PAFAH1B1: variants seen among roughly 807,000 people sequenced by gnomAD.
PAFAH1B1 encodes the protein platelet activating factor acetylhydrolase 1b regulatory subunit 1.
In PAFAH1B1, 2 loss-of-function variants were observed where a neutral mutation model predicts 57.5. That is an observed-to-expected ratio of 0.03 (90% CI 0.01 to 0.11). The LOEUF (loss-of-function observed/expected upper bound fraction) is 0.11, where lower values mean the gene tolerates loss of function less well. Among genes scored for constraint, PAFAH1B1 ranks in the 10% least tolerant of loss-of-function variants. The pLI is 1.00. For missense variants in PAFAH1B1, 257 were observed against 512.0 expected, an observed-to-expected ratio of 0.50 and a Z score of 4.81; for synonymous variants, 152 against 169.6, an observed-to-expected ratio of 0.90 and a Z score of 0.81.
At chr17:2,670,401 A>C in intron 6 of PAFAH1B1, 70 bp downstream of exon 6, 2 of 1,318,488 alleles carry the variant, frequency 1.5e-6, no homozygotes, top group Non-Finnish European at 2.2e-6. Context: ...ATTGTTTCTA[A>C]CAGTGTACAG....
intron 2 of PAFAH1B1, among the ~76,000 whole-genome samples, chr17:2,655,626 T>C (rs894890920): frequency 1.3e-5 from 2 of 151,978 alleles, no homozygotes; most frequent in Admixed American, 1.3e-4. Context: ...CTAGGTGACA[T>C]GGCAAGACCC....
chr17:2,655,183 ATGTGTGTGTGTGTGTGTGTG>A (rs34493806), intron 2 of PAFAH1B1, among the ~76,000 whole-genome samples: 1 of 143,826 alleles, frequency 7.0e-6, no homozygotes, highest in Non-Finnish European at 1.5e-5. Flanking sequence ...ATATACATAT[ATGTGTGTGTGTGTGTGTGTG>A]TGTGTGTGTG....
intron 1 of PAFAH1B1, among the ~76,000 whole-genome samples, chr17:2,615,523 C>T (rs1169804640): frequency 1.3e-5 from 2 of 151,918 alleles, no homozygotes; most frequent in African/African-American, 2.4e-5. Flanking sequence ...TCACTGCAAC[C>T]TCTGCCGCCC....
intron 2 of PAFAH1B1, among the ~76,000 whole-genome samples, chr17:2,655,992 C>T (rs925974190): frequency 6.6e-6 from 1 of 151,972 alleles, no homozygotes; most frequent in Admixed American, 6.6e-5. Flanking sequence ...GGCACGATCT[C>T]GGCTCACTGC....
At chr17:2,644,477 A>G (rs1753562631) in intron 2 of PAFAH1B1, among the ~76,000 whole-genome samples, 1 of 151,866 alleles carries the variant, frequency 6.6e-6, no homozygotes, top group Non-Finnish European at 1.5e-5. Flanking sequence ...TGGGAGGCGG[A>G]GGTTGCGGTG....
chr17:2,634,485 T>A (rs1300547439), intron 1 of PAFAH1B1, among the ~76,000 whole-genome samples: 1 of 152,156 alleles, frequency 6.6e-6, no homozygotes, highest in Non-Finnish European at 1.5e-5. Flanking sequence ...ACTGACTTTC[T>A]CCCTTTCTGG....
At chr17:2,637,594 C>G (rs957005345) in intron 1 of PAFAH1B1, among the ~76,000 whole-genome samples, 2 of 151,998 alleles carry the variant, frequency 1.3e-5, no homozygotes, top group African/African-American at 4.8e-5. Flanking sequence ...CAATAAAAAG[C>G]GTAAGATTGC....
intron 2 of PAFAH1B1, among the ~76,000 whole-genome samples, chr17:2,663,767 AGCTCACT>A (rs1400241244): frequency 4.0e-5 from 6 of 150,068 alleles, no homozygotes; most frequent in African/African-American, 1.5e-4. Flanking sequence ...GTGCAGTCTC[AGCTCACT>A]GCAACCTTTG....
rs1438468711 is a variant in PAFAH1B1 at position 2,632,615 on chromosome 17, G to A, written c.-190-5484G>A. Among the ~76,000 whole-genome samples, 7 of 152,038 alleles carry A rather than the reference G, an allele frequency of 4.6e-5. No homozygotes were observed. In the South Asian group the frequency reaches 6.2e-4, roughly 14 times the overall value. ...GTTCTGCATCTGTGAATTCAATCCC[G>A]GATAGAAAATATTAGAAAAAAATAT... On this transcript the variant is annotated intron_variant, in intron 1 of 10. Coordinates refer to ENST00000397195, the MANE Select transcript of PAFAH1B1 (RefSeq NM_000430.4).
chr17:2,632,957 G>T (rs1168101914), intron 1 of PAFAH1B1, among the ~76,000 whole-genome samples: 1 of 152,148 alleles, frequency 6.6e-6, no homozygotes, highest in South Asian at 2.1e-4. Flanking sequence ...ATTCATGTTT[G>T]ATTTTTGTGG....
chr17:2,599,307 C>A (rs2068114683), intron 1 of PAFAH1B1, among the ~76,000 whole-genome samples: 1 of 152,166 alleles, frequency 6.6e-6, no homozygotes. Flanking sequence ...AGTCACAGAA[C>A]TCTTGGGTAC....
At chr17:2,594,640 G>A (rs957444687) in intron 1 of PAFAH1B1, among the ~76,000 whole-genome samples, 6 of 152,292 alleles carry the variant, frequency 3.9e-5, no homozygotes, top group Non-Finnish European at 8.8e-5. Flanking sequence ...AGCACCCGCC[G>A]AGGAGAGGCA....
intron 1 of PAFAH1B1, among the ~76,000 whole-genome samples, chr17:2,636,610 G>T (rs1007914290): frequency 8.5e-5 from 13 of 152,112 alleles, no homozygotes; most frequent in African/African-American, 3.1e-4. Context: ...TGTTGGCCAG[G>T]CTGGTCGCAA....
intron 1 of PAFAH1B1, among the ~76,000 whole-genome samples, chr17:2,636,731 A>T (rs2068629418): frequency 6.6e-6 from 1 of 150,818 alleles, no homozygotes; most frequent in African/African-American, 2.4e-5. Context: ...GAAGGTATGC[A>T]TTTTTTTTTC....
intron 2 of PAFAH1B1, among the ~76,000 whole-genome samples, chr17:2,654,562 C>G (rs2151648316): frequency 6.6e-6 from 1 of 152,212 alleles, no homozygotes; most frequent in Non-Finnish European, 1.5e-5. Flanking sequence ...ACGGTTGTTT[C>G]TAATTATTGC....
Position 2,606,810 on chromosome 17 carries a change from C to CTTT in PAFAH1B1, c.-191+12829_-191+12831dup, listed in dbSNP as rs770011553. On this transcript the variant is annotated intron_variant, in intron 1 of 10. Transcript: ENST00000397195. ...ACATTTTGTCATATTTGCCTCAGAGCTTTTTTTTTTTTTTTTTTTTTTTTT... is the reference window on the plus strand; with the variant it reads ...ACATTTTGTCATATTTGCCTCAGAGCTTTTTTTTTTTTTTTTTTTTTTTTTTTT... Among the ~76,000 whole-genome samples the CTTT allele has an allele frequency of 4.0e-4, 41 of 101,706 alleles. 6 individuals carry two copies. Among genetic ancestry groups the CTTT allele is most frequent in the East Asian group, 5.5e-4 (2 of 3,642 alleles). The allele number at this position is 101,706 out of a possible 152,430, so 66.7% of individuals were successfully genotyped here.
chr17:2,599,623 G>A (rs1017155641), intron 1 of PAFAH1B1, among the ~76,000 whole-genome samples: 3 of 152,136 alleles, frequency 2.0e-5, no homozygotes, highest in Non-Finnish European at 2.9e-5. Flanking sequence ...AGTTGACTCC[G>A]GTGATCTCAA....
chr17:2,676,702 C>T (rs1345694150), intron 9 of PAFAH1B1, 96 bp downstream of exon 9: 1 of 812,304 alleles, frequency 1.2e-6, no homozygotes, highest in Non-Finnish European at 2.2e-6. Context: ...CTGAATTATT[C>T]TGGGCTTTAA....
At chr17:2,647,248 G>A (rs1051257947) in intron 2 of PAFAH1B1, among the ~76,000 whole-genome samples, 1 of 152,118 alleles carries the variant, frequency 6.6e-6, no homozygotes, top group Non-Finnish European at 1.5e-5. Context: ...TACTTGGGGC[G>A]GTGAGGGAGG....
Sources: gnomAD v4.1 joint callset for allele counts (sites outside exome capture counted in the v4.1 genomes callset) on GRCh38, gnomAD v4.1.1 for gene constraint, MANE v1.5 for transcripts, NCBI Gene and HGNC (gene_info 2026-07-23, HGNC 2026-07-21) for gene names.